Variants in THSD7B observed in about 807,000 individuals in gnomAD.
The protein encoded by THSD7B is thrombospondin type-1 domain-containing protein 7B.
THSD7B carries 138 observed loss-of-function variants against 213.6 expected under a neutral mutation model. The ratio of observed to expected loss-of-function variants is 0.65; its 90% CI spans 0.56 to 0.74. THSD7B has a LOEUF of 0.74. Among genes scored for constraint, THSD7B ranks in the 30% least tolerant of loss-of-function variants. THSD7B has a pLI of 0.00. For missense variants in THSD7B, 1,931 were observed against 1,991.5 expected, an observed-to-expected ratio of 0.97 and a Z score of 0.58; for synonymous variants, 742 against 687.0, an observed-to-expected ratio of 1.08 and a Z score of -1.25.
intron 5 of THSD7B, among the ~76,000 whole-genome samples, chr2:137,151,389 G>A (rs781614340): frequency 1.8e-4 from 28 of 151,798 alleles, no homozygotes; most frequent in Non-Finnish European, 3.1e-4. Flanking sequence ...CTAGGCCTAC[G>A]TAGGGTAAGG....
At position 137,313,468 on chromosome 2, in the gene THSD7B, A is replaced by C. The variant is rs999122825; in HGVS notation, c.2500+37442A>C. ...GTCTTGACTCTTTATCCAATTTGCC[A>C]GTCTGTGTCTTTTAATTGGAGCATT... On this transcript the variant is annotated intron_variant, in intron 12 of 27. Coordinates refer to ENST00000409968, the MANE Select transcript of THSD7B (RefSeq NM_001316349.2). Among the ~76,000 whole-genome samples, 20 of 151,838 alleles carry C rather than the reference A, an allele frequency of 1.3e-4. 1 individual carries two copies. The highest frequency in any genetic ancestry group is 4.4e-4 in the African/African-American group (18 of 41,358).
In THSD7B at chr2:137,671,252, A is replaced by T. The variant is rs1397965189; in HGVS notation, c.4739+3391A>T. 1.5e-4 allele frequency among the ~76,000 whole-genome samples: 22 copies of T among 146,906 alleles called. No individual in the cohort carries two copies. The Admixed American group carries it at 1.5e-3, about 10-fold the overall frequency. ...ATGATTTGCTTTTTTTTTTTTAAAAAAAAAAAAAAAGCTTGTGGTATAACA... is the reference window on the plus strand; with the variant it reads ...ATGATTTGCTTTTTTTTTTTTAAAATAAAAAAAAAAGCTTGTGGTATAACA... On this transcript the variant is annotated intron_variant, in intron 27 of 27. Coordinates refer to ENST00000409968, the MANE Select transcript of THSD7B (RefSeq NM_001316349.2).
chr2:137,590,625 T>C (rs2104812938), intron 17 of THSD7B, among the ~76,000 whole-genome samples: 1 of 152,216 alleles, frequency 6.6e-6, no homozygotes, highest in Admixed American at 6.5e-5. Context: ...ACTCCTACTG[T>C]ATAGTATTTT....
intron 2 of THSD7B, among the ~76,000 whole-genome samples, chr2:136,914,281 G>C (rs1341638613): frequency 6.6e-6 from 1 of 152,188 alleles, no homozygotes; most frequent in Non-Finnish European, 1.5e-5. Context: ...ATTGTATCTA[G>C]AAGTTAGCTA....
intron 12 of THSD7B, among the ~76,000 whole-genome samples, chr2:137,295,145 A>G (rs1683430413): frequency 1.3e-5 from 2 of 151,916 alleles, no homozygotes; most frequent in Non-Finnish European, 2.9e-5. Flanking sequence ...TTTTCTTCAC[A>G]TTTTCTCACT....
intron 2 of THSD7B, among the ~76,000 whole-genome samples, chr2:137,017,311 T>C (rs1364778623): frequency 6.6e-6 from 1 of 151,674 alleles, no homozygotes; most frequent in Non-Finnish European, 1.5e-5. Flanking sequence ...GTCTCTCTCT[T>C]TATAAGAGAA....
chr2:137,035,423 G>A (rs1367731114), intron 2 of THSD7B, among the ~76,000 whole-genome samples: 1 of 152,102 alleles, frequency 6.6e-6, no homozygotes, highest in African/African-American at 2.4e-5. Flanking sequence ...AGAGAGGCAT[G>A]TTTCTAGATG....
chr2:137,399,088 C>G (rs1042904381), intron 12 of THSD7B, among the ~76,000 whole-genome samples: 3 of 151,956 alleles, frequency 2.0e-5, no homozygotes, highest in Non-Finnish European at 4.4e-5. Context: ...GAGATGAACC[C>G]GGTACCTCAG....
intron 15 of THSD7B, among the ~76,000 whole-genome samples, chr2:137,541,387 A>G (rs1352731998): frequency 6.6e-6 from 1 of 151,736 alleles, no homozygotes; most frequent in Non-Finnish European, 1.5e-5. Flanking sequence ...TTAAGGAGAC[A>G]ACTATTTTTC....
In THSD7B at chr2:137,616,314, C is replaced by T. The variant is rs777398725; in HGVS notation, c.3563C>T (p.Thr1188Ile). The T allele has an allele frequency of 3.7e-6, 6 of 1,612,524 alleles. No homozygotes were observed. The East Asian group carries it at 1.3e-4, about 36-fold the overall frequency. ...TGCTTCCAGTTCCAGTACAATCTAA[C>T]AGGTACAGTTAAAATCTATGACCTT... Reference protein sequence around the residue: ...ENCFQFQYNLTEWSTCQLSEN... With the variant: ...ENCFQFQYNLIEWSTCQLSEN... Residue 1188 changes from threonine (T) to isoleucine (I), a missense_variant and splice_region_variant, in exon 18 of 28, where the codon ACA becomes ATA. By Grantham distance (89) the Thr-to-Ile change is moderately conservative. Transcript: ENST00000409968.
chr2:137,264,040 G>GT (rs1268492428), intron 10 of THSD7B, among the ~76,000 whole-genome samples: 1 of 152,182 alleles, frequency 6.6e-6, no homozygotes, highest in East Asian at 1.9e-4. Flanking sequence ...AATAATGCAT[G>GT]TATGTACATT....
intron 2 of THSD7B, among the ~76,000 whole-genome samples, chr2:137,040,050 T>G (rs1448507151): frequency 6.6e-6 from 1 of 152,214 alleles, no homozygotes; most frequent in Non-Finnish European, 1.5e-5. Context: ...TGTTCACTTC[T>G]GTAATAATCA....
chr2:137,355,370 C>T (rs1685103900), intron 12 of THSD7B, among the ~76,000 whole-genome samples: 1 of 151,968 alleles, frequency 6.6e-6, no homozygotes, highest in South Asian at 2.1e-4. Flanking sequence ...TTTATTTTTA[C>T]AGGAAATAAA....
chr2:137,095,034 T>C lies in THSD7B; in HGVS notation c.1112T>C (p.Met371Thr). The C allele has an allele frequency of 6.2e-6, 10 of 1,613,846 alleles. No individual in the cohort carries two copies. Among genetic ancestry groups the C allele is most frequent in the Non-Finnish European group, 8.5e-6 (10 of 1,179,846 alleles). Residue 371 changes from methionine to threonine, a missense_variant, in exon 4 of 28, where the codon ATG (methionine) becomes ACG (threonine). By Grantham distance (81) the Met-to-Thr change is moderately conservative. Transcript: ENST00000409968. ...AGCAGGAGCCGGAACGTGAAGCACA[T>C]GGCTATTGGAGGTGGAAAGGAGTGT... ...FRSRSRNVKH[M>T]AIGGGKECPE...
chr2:136,828,258 T>A (rs1400718875), intron 1 of THSD7B, among the ~76,000 whole-genome samples: 3 of 152,202 alleles, frequency 2.0e-5, no homozygotes, highest in East Asian at 1.9e-4. Context: ...TCTATGTTTC[T>A]TTCTCAGTTA....
At chr2:136,851,667 G>A (rs968390167) in intron 1 of THSD7B, among the ~76,000 whole-genome samples, 1 of 152,046 alleles carries the variant, frequency 6.6e-6, no homozygotes, top group Admixed American at 6.6e-5. Context: ...GGCCTAGAGA[G>A]GGATGTTTTT....
intron 2 of THSD7B, among the ~76,000 whole-genome samples, chr2:136,961,228 T>TC (rs1217087590): frequency 1.4e-5 from 2 of 147,148 alleles, no homozygotes; most frequent in Non-Finnish European, 3.0e-5. Context: ...TCTTTTCTTT[T>TC]TTTTTTTTTT....
chr2:137,018,710 G>A (rs1260590031), intron 2 of THSD7B, among the ~76,000 whole-genome samples: 1 of 152,158 alleles, frequency 6.6e-6, no homozygotes, highest in South Asian at 2.1e-4. Flanking sequence ...TGGTAAGTGA[G>A]ATGGCATAGT....
chr2:137,223,383 T>C (rs1681416461), intron 7 of THSD7B, among the ~76,000 whole-genome samples: 1 of 152,216 alleles, frequency 6.6e-6, no homozygotes, highest in Non-Finnish European at 1.5e-5. Flanking sequence ...GTTACGTACA[T>C]GTTTCTCTGA....
Sources: allele counts gnomAD v4.1 joint callset (sites outside exome capture counted in the v4.1 genomes callset), GRCh38; gene constraint gnomAD v4.1.1; transcripts MANE v1.5; gene names NCBI Gene and HGNC (gene_info 2026-07-23, HGNC 2026-07-21).